The following SPAG1 variants were observed in gnomAD, a reference collection of about 807,000 sequenced individuals.
SPAG1 encodes sperm associated antigen 1.
In SPAG1, 69 loss-of-function variants were observed where a neutral mutation model predicts 100.5. The observed-to-expected ratio is 0.69, with a 90% CI of 0.57 to 0.84. The LOEUF (loss-of-function observed/expected upper bound fraction) is 0.84. Among genes scored for constraint, SPAG1 ranks in the 40% least tolerant of loss-of-function variants. SPAG1 has a pLI of 0.00. For missense variants in SPAG1, 955 were observed against 1,133.1 expected (o/e 0.84, Z 2.26); for synonymous variants, 336 against 411.6 (o/e 0.82, Z 2.22).
At chr8:100,232,149 T>G (rs1356369602) in intron 15 of SPAG1, among the ~76,000 whole-genome samples, 1 of 152,138 alleles carries the variant, frequency 6.6e-6, no homozygotes, top group East Asian at 1.9e-4. Context: ...AAGATGTCAC[T>G]AAATCCAACA....
chr8:100,231,196 A>G lies in SPAG1; in HGVS notation c.1896A>G (p.Gln632=). 6.2e-7 allele frequency: 1 copy of G among 1,608,010 alleles called. No homozygotes were observed. The highest frequency in any genetic ancestry group is 8.5e-7 in the Non-Finnish European group (1 of 1,176,228). ...TFKALKEEGN[Q]CVNDKNYKDA... Reference sequence around the variant, plus strand: ...AAGCCCTTAAGGAAGAAGGAAATCAATGTGTAAATGACAAAAACTATAAAG... The same window carrying G: ...AAGCCCTTAAGGAAGAAGGAAATCAGTGTGTAAATGACAAAAACTATAAAG... Residue 632 remains glutamine, a synonymous_variant, in exon 15 of 19, where the codon CAA becomes CAG. Transcript: ENST00000388798.
chr8:100,158,857 A>G (rs567493236), intron 1 of SPAG1: 9 of 151,754 alleles, frequency 5.9e-5, no homozygotes, highest in African/African-American at 2.2e-4. Context: ...TTCAAAAAGG[A>G]TTCTCAGAGA....
intron 9 of SPAG1, among the ~76,000 whole-genome samples, chr8:100,193,742 C>T (rs1008927498): frequency 4.1e-5 from 6 of 147,554 alleles, no homozygotes; most frequent in African/African-American, 1.5e-4. Flanking sequence ...ATAGTGAGAC[C>T]TCATCTCTAT....
chr8:100,213,110 G>A lies in SPAG1; in HGVS notation c.1117G>A (p.Ala373Thr). The A allele has an allele frequency of 6.8e-7, 1 of 1,481,228 alleles. No individual in the cohort carries two copies. The highest frequency in any genetic ancestry group is 1.5e-5 in the African/African-American group (1 of 68,202). The allele number at this position is 1,481,228 out of a possible 1,614,324, so 91.8% of individuals were successfully genotyped here. A position where few individuals can be genotyped will look rare whatever the true frequency, so the allele number is the denominator to read the frequency against. ...CACAGAGCCCGCGGAGCCGGCGGGA[G>A]CCGCGCGCGCCGCCCAGCCGTGCGT... ...GDKKPAEPAG[A>T]ARAAQPCVMG... is the part of the protein sequence containing the mutation. The change falls in exon 11 of 19, where the codon GCC (alanine) becomes ACC (threonine). Residue 373 changes from alanine to threonine, a missense_variant. Transcript: ENST00000388798.
chr8:100,197,597 T>C (rs541853027), intron 10 of SPAG1, among the ~76,000 whole-genome samples: 1 of 152,304 alleles, frequency 6.6e-6, no homozygotes, highest in African/African-American at 2.4e-5. Flanking sequence ...AGGAAAGTTA[T>C]CAAGTTGGAA....
chr8:100,237,126 G>GCAA (rs1819042555), intron 16 of SPAG1, among the ~76,000 whole-genome samples: 3 of 152,144 alleles, frequency 2.0e-5, no homozygotes, highest in Non-Finnish European at 4.4e-5. Context: ...TGTCACTCAG[G>GCAA]CTGGGGTGCA....
rs561383343 is a variant in SPAG1, at chr8:100,211,021, G to GTGGTCTC, written c.1097-2068_1097-2067insGGTCTCT. 1.3e-4 allele frequency among the ~76,000 whole-genome samples: 20 copies of GTGGTCTC among 151,822 alleles called. No homozygotes were observed. In the East Asian group the frequency reaches 3.7e-3, roughly 28 times the overall value. On this transcript the variant is annotated intron_variant, in intron 10 of 18. Coordinates refer to ENST00000388798, the MANE Select transcript of SPAG1 (RefSeq NM_003114.5). ...TTTTTGTATTTTTAGTAGAGACAGG[G>GTGGTCTC]TTCACCATGTTGGCCAGGGTGGTCT...
intron 3 of SPAG1, among the ~76,000 whole-genome samples, chr8:100,172,836 T>C (rs1815935809): frequency 6.6e-6 from 1 of 152,080 alleles, no homozygotes; most frequent in African/African-American, 2.4e-5. Context: ...TTCTGTAACT[T>C]AGAATGCTGC....
chr8:100,213,481 C>A (rs1231492076), intron 11 of SPAG1, 53 bp downstream of exon 11: 11 of 1,313,984 alleles, frequency 8.4e-6, no homozygotes, highest in Admixed American at 3.8e-5. Flanking sequence ...GCGGTTCACC[C>A]GACCTCCGGG....
Position 100,220,371 on chromosome 8 carries a change from A to G in SPAG1, c.1628A>G (p.Asp543Gly). 3 of 1,614,054 alleles carry G rather than the reference A, an allele frequency of 1.9e-6. No homozygotes were observed. The highest frequency in any genetic ancestry group is 2.5e-6 in the Non-Finnish European group (3 of 1,179,960). The change falls in exon 13 of 19, where the codon GAT becomes GGT. Residue 543 changes from aspartate (D) to glycine (G), a missense_variant. Transcript: ENST00000388798. ...TLEQYGKAYVDYKTVLQIDCG... is the reference protein window; with the variant it reads ...TLEQYGKAYVGYKTVLQIDCG... ...GAGCAGTATGGGAAAGCTTATGTGG[A>G]TTATAAAACAGTGTTGCAGATAGAC... is the stretch of plus-strand genomic sequence containing the variant.
chr8:100,186,972 G>A (rs965363800), intron 7 of SPAG1, 148 bp from the exon 8 acceptor site: 2 of 560,256 alleles, frequency 3.6e-6, no homozygotes, highest in East Asian at 3.3e-5. Flanking sequence ...GATACTGTGG[G>A]GTTAGGACTT....
chr8:100,217,661 A>G (rs79200449), intron 12 of SPAG1, among the ~76,000 whole-genome samples: 7,316 of 152,300 alleles, frequency 0.048, 517 homozygotes, highest in African/African-American at 0.14. Flanking sequence ...CTCATCTATC[A>G]GAACCTTTTT....
At chr8:100,171,880 A>C (rs1815869391) in intron 3 of SPAG1, among the ~76,000 whole-genome samples, 1 of 151,998 alleles carries the variant, frequency 6.6e-6, no homozygotes, top group African/African-American at 2.4e-5. Flanking sequence ...GGCCAGAAGA[A>C]ATCCCTTTAT....
At chr8:100,202,333 C>A (rs1817309270) in intron 10 of SPAG1, among the ~76,000 whole-genome samples, 2 of 145,976 alleles carry the variant, frequency 1.4e-5, no homozygotes, top group South Asian at 4.4e-4. Context: ...TGTCACATCA[C>A]CATTTGTTTA....
intron 12 of SPAG1, among the ~76,000 whole-genome samples, chr8:100,218,422 T>A (rs1043258935): frequency 6.6e-6 from 1 of 152,216 alleles, no homozygotes; most frequent in African/African-American, 2.4e-5. Flanking sequence ...ATTGGAAGTC[T>A]TCTGTGAAGT....
At chr8:100,194,809 C>A (rs181189500) in intron 10 of SPAG1, 1 of 156,884 alleles carries the variant, frequency 6.4e-6, no homozygotes, top group Admixed American at 6.5e-5. Context: ...TATAAAACAT[C>A]GAAAGTTATG....
intron 15 of SPAG1, chr8:100,233,192 C>T (rs911227933): frequency 2.1e-6 from 1 of 475,046 alleles, no homozygotes; most frequent in Non-Finnish European, 3.9e-6. Context: ...TGGTCTGTCT[C>T]TTCCACTTGA....
intron 10 of SPAG1, among the ~76,000 whole-genome samples, chr8:100,203,228 T>C (rs1191721655): frequency 6.6e-6 from 1 of 152,160 alleles, no homozygotes; most frequent in Non-Finnish European, 1.5e-5. Flanking sequence ...GACTCCAATT[T>C]CTTCAGTTTC....
intron 17 of SPAG1, among the ~76,000 whole-genome samples, 193 bp from the exon 18 acceptor site, chr8:100,240,210 A>T (rs937815239): frequency 2.0e-5 from 3 of 152,206 alleles, no homozygotes; most frequent in African/African-American, 7.2e-5. Context: ...ATAATTTTTT[A>T]AAACTTTTAT....
Sources: gnomAD v4.1 joint callset for allele counts (sites outside exome capture counted in the v4.1 genomes callset) on GRCh38, gnomAD v4.1.1 for gene constraint, MANE v1.5 for transcripts, NCBI Gene and HGNC (gene_info 2026-07-23, HGNC 2026-07-21) for gene names.